PRKN: variants seen among roughly 807,000 people sequenced by gnomAD.
PRKN encodes the protein E3 ubiquitin-protein ligase parkin.
Under a neutral mutation model 59.5 loss-of-function variants are expected in PRKN, and 56 were observed. The observed-to-expected ratio is 0.94, with a 90% CI of 0.76 to 1.18. The LOEUF is 1.18. PRKN is among the 50% of genes most tolerant of loss of function. The probability of loss-of-function intolerance (pLI) is 0.00; values close to 1 mark genes in which losing one functional copy is unlikely to be tolerated. For synonymous variants in PRKN, 250 were observed against 222.1 expected, an observed-to-expected ratio of 1.13 and a Z score of -1.12; for missense variants, 657 against 596.4, an observed-to-expected ratio of 1.10 and a Z score of -1.06.
rs1037701352 is a variant in PRKN, at chr6:162,297,160, A to G, written c.172-34395T>C. Reference sequence around the variant, plus strand: ...TGCTTAGCTCTGCTAATCAGATTCTAGAATTTTTCTTTTCTTTTTTTTTTT... The same window carrying G: ...TGCTTAGCTCTGCTAATCAGATTCTGGAATTTTTCTTTTCTTTTTTTTTTT... On this transcript the variant is annotated intron_variant, in intron 2 of 11. Transcript: ENST00000366898. 9.4e-5 allele frequency among the ~76,000 whole-genome samples: 14 copies of G among 148,466 alleles called. 1 individual carries two copies. The South Asian group carries it at 2.9e-3, about 30-fold the overall frequency.
chr6:161,589,040 T>C (rs1781620856), intron 7 of PRKN, among the ~76,000 whole-genome samples: 1 of 152,238 alleles, frequency 6.6e-6, no homozygotes, highest in Non-Finnish European at 1.5e-5. Context: ...TTTTAGTTCT[T>C]GGTTTCTTAA....
chr6:161,572,025 C>T (rs951214787), intron 7 of PRKN, among the ~76,000 whole-genome samples: 1 of 152,150 alleles, frequency 6.6e-6, no homozygotes, highest in Non-Finnish European at 1.5e-5. Flanking sequence ...AAAGGCTTTC[C>T]TGGTTTTCCA....
intron 1 of PRKN, among the ~76,000 whole-genome samples, chr6:162,457,164 A>G (rs1222096839): frequency 6.6e-6 from 1 of 152,172 alleles, no homozygotes; most frequent in Non-Finnish European, 1.5e-5. Flanking sequence ...GAATAATTTT[A>G]CCATGTTGGT....
intron 4 of PRKN, among the ~76,000 whole-genome samples, chr6:162,148,955 T>C (rs1264413086): frequency 6.6e-6 from 1 of 152,214 alleles, no homozygotes; most frequent in Non-Finnish European, 1.5e-5. Flanking sequence ...CTCATATGTG[T>C]GGCCAGGGTG....
At chr6:162,469,866 CAAAA>C (rs1324053920) in intron 1 of PRKN, among the ~76,000 whole-genome samples, 1 of 151,870 alleles carries the variant, frequency 6.6e-6, no homozygotes, top group Non-Finnish European at 1.5e-5. Flanking sequence ...ACCTGTTCCC[CAAAA>C]ACCTATGGAA....
intron 5 of PRKN, among the ~76,000 whole-genome samples, chr6:161,999,168 C>A (rs889004485): frequency 1.5e-4 from 23 of 152,116 alleles, no homozygotes; most frequent in African/African-American, 5.1e-4. Flanking sequence ...CTCTCAGAAT[C>A]ATTGCCACAG....
intron 1 of PRKN, among the ~76,000 whole-genome samples, chr6:162,719,520 C>T (rs923394733): frequency 1.5e-5 from 2 of 136,530 alleles, no homozygotes; most frequent in African/African-American, 2.8e-5. Context: ...CAGAGTTCAT[C>T]ATTCCTCAAT....
At chr6:161,641,956 AGTTT>A (rs1263865135) in intron 7 of PRKN, among the ~76,000 whole-genome samples, 12 of 152,344 alleles carry the variant, frequency 7.9e-5, no homozygotes, top group Non-Finnish European at 1.0e-4. Context: ...TAGTGTAAAG[AGTTT>A]ACATACTTCT....
At chr6:161,930,241 CT>C (rs774279359) in intron 6 of PRKN, among the ~76,000 whole-genome samples, 18 of 152,148 alleles carry the variant, frequency 1.2e-4, no homozygotes, top group Non-Finnish European at 2.6e-4. Context: ...GCTACATTAT[CT>C]TCTAACCTAA....
At chr6:162,034,010 T>A (rs570714580) in intron 5 of PRKN, among the ~76,000 whole-genome samples, 5 of 152,158 alleles carry the variant, frequency 3.3e-5, no homozygotes, top group African/African-American at 1.2e-4. Context: ...TCAATTCAGA[T>A]AATGTAGTAT....
intron 4 of PRKN, among the ~76,000 whole-genome samples, chr6:162,158,065 A>G (rs1340437125): frequency 6.6e-6 from 1 of 152,074 alleles, no homozygotes; most frequent in African/African-American, 2.4e-5. Context: ...GAAATAGAGT[A>G]TAATTGTCAG....
At chr6:162,212,676 A>C (rs1372829118) in intron 3 of PRKN, among the ~76,000 whole-genome samples, 2 of 152,184 alleles carry the variant, frequency 1.3e-5, no homozygotes, top group African/African-American at 4.8e-5. Context: ...ATATTCTGAG[A>C]AATGTGTCCT....
In PRKN at chr6:161,560,103, T is replaced by C. The variant is rs971182262; in HGVS notation, c.933+9252A>G. 6.6e-6 allele frequency among the ~76,000 whole-genome samples: 1 copy of C among 152,160 alleles called. No homozygotes were observed. The highest frequency in any genetic ancestry group is 1.5e-5 in the Non-Finnish European group (1 of 68,026). Reference sequence around the variant, plus strand: ...CTTATCACCCAAACTGTCAGTCCCATATGGGTCCATACGTTTCCTAATATC... The same window carrying C: ...CTTATCACCCAAACTGTCAGTCCCACATGGGTCCATACGTTTCCTAATATC... On this transcript the variant is annotated intron_variant, in intron 8 of 11. Coordinates refer to ENST00000366898, the MANE Select transcript of PRKN (RefSeq NM_004562.3). This position sits in a 1 kb window ranked among gnomAD's most constrained non-coding sequence, Gnocchi z 4.9.
chr6:161,989,250 C>T (rs558705895), intron 5 of PRKN, among the ~76,000 whole-genome samples: 19 of 143,164 alleles, frequency 1.3e-4, no homozygotes, highest in Non-Finnish European at 2.6e-4. Flanking sequence ...TCCTTTCTTA[C>T]TTTCATAGTG....
chr6:162,280,870 A>G (rs1780864952), intron 2 of PRKN, among the ~76,000 whole-genome samples: 1 of 151,906 alleles, frequency 6.6e-6, no homozygotes. Flanking sequence ...TGAAGGAGAC[A>G]GAGACATGAA....
At chr6:162,101,052 G>A (rs1779950497) in intron 4 of PRKN, among the ~76,000 whole-genome samples, 1 of 152,048 alleles carries the variant, frequency 6.6e-6, no homozygotes, top group Non-Finnish European at 1.5e-5. Flanking sequence ...TCTGCTGATT[G>A]TTGCGTGGCT....
chr6:162,396,617 T>C (rs1209369939), intron 2 of PRKN, among the ~76,000 whole-genome samples: 1 of 152,130 alleles, frequency 6.6e-6, no homozygotes, highest in Non-Finnish European at 1.5e-5. Flanking sequence ...GACCCGTCGC[T>C]TGTGTTAGAA....
chr6:161,680,997 G>A (rs1345770837), intron 7 of PRKN, among the ~76,000 whole-genome samples: 1 of 151,886 alleles, frequency 6.6e-6, no homozygotes. Flanking sequence ...GTCTTGCTCT[G>A]TTGCCCAGGC....
At chr6:162,044,211 C>T (rs140075403) in intron 5 of PRKN, among the ~76,000 whole-genome samples, 1 of 152,230 alleles carries the variant, frequency 6.6e-6, no homozygotes, top group Non-Finnish European at 1.5e-5. Context: ...ACAGACTTCG[C>T]AACTGCTGTC....
Sources: allele counts gnomAD v4.1 joint callset (sites outside exome capture counted in the v4.1 genomes callset), GRCh38; gene constraint gnomAD v4.1.1; non-coding constraint Gnocchi (gnomAD v3.1); transcripts MANE v1.5; gene names NCBI Gene and HGNC (gene_info 2026-07-23, HGNC 2026-07-21).